The following EDA variants were observed in gnomAD, a reference collection of about 807,000 sequenced individuals.
EDA encodes the protein ectodysplasin-A.
In EDA, 2 loss-of-function variants were observed where a neutral mutation model predicts 23.6. The observed-to-expected ratio is 0.08, with a 90% CI of 0.03 to 0.27. EDA has a LOEUF of 0.27. Ranked by LOEUF, EDA falls within the 10% of genes least tolerant of loss-of-function variation. The pLI is 1.00. For missense variants in EDA, 229 were observed against 324.2 expected (o/e 0.71, Z 2.26); for synonymous variants, 131 against 132.0 (o/e 0.99, Z 0.05).
At chrX:69,956,697 T>A (rs1406474847) in intron 1 of EDA, among the ~76,000 whole-genome samples, 3 of 111,828 alleles carry the variant, frequency 2.7e-5, no homozygotes, top group Non-Finnish European at 5.6e-5. Context: ...TGAGTGAGCA[T>A]CCTCAGTATG....
rs199852492 is a variant in EDA, at chrX:70,029,556, C to G, written c.741+18C>G. Reference sequence around the variant, plus strand: ...AAAACCAGGTTGGCTGGGGATTGCTCTCTTCCTGGGTAGGAGGGAAAGCCA... The same window carrying G: ...AAAACCAGGTTGGCTGGGGATTGCTGTCTTCCTGGGTAGGAGGGAAAGCCA... On this transcript the variant is annotated intron_variant, in intron 5 of 7. Coordinates refer to ENST00000374552, the MANE Select transcript of EDA (RefSeq NM_001399.5). 200 of 1,208,428 alleles carry G rather than the reference C, an allele frequency of 1.7e-4. No homozygotes were observed. Among genetic ancestry groups the G allele is most frequent in the Non-Finnish European group, 2.0e-4 (181 of 893,179 alleles).
chrX:69,772,348 A>G (rs779209059), intron 1 of EDA, among the ~76,000 whole-genome samples: 3 of 111,807 alleles, frequency 2.7e-5, no homozygotes, highest in East Asian at 2.8e-4. Context: ...ATGATTTTCT[A>G]ATGTTGAACC....
Position 69,869,286 on chromosome X carries a change from G to A in EDA, c.397-87741G>A, listed in dbSNP as rs979253635. On this transcript the variant is annotated intron_variant, in intron 1 of 7. Transcript: ENST00000374552. ...GTCTGACCTGAGCTAAAACTCCATT[G>A]ATTACCTGACCTCCATAAGCCCCTA... Among the ~76,000 whole-genome samples, 6 of 110,890 alleles carry A rather than the reference G, an allele frequency of 5.4e-5. No homozygotes were observed. The South Asian group carries it at 1.2e-3, about 22-fold the overall frequency.
intron 1 of EDA, among the ~76,000 whole-genome samples, chrX:69,771,114 C>T (rs1263519922): frequency 1.8e-5 from 2 of 110,436 alleles, no homozygotes; most frequent in African/African-American, 3.3e-5. Context: ...TGGAGTGCAG[C>T]AGCACGATCT....
At chrX:69,790,677 C>T (rs774862689) in intron 1 of EDA, among the ~76,000 whole-genome samples, 1 of 111,646 alleles carries the variant, frequency 9.0e-6, no homozygotes, top group Non-Finnish European at 1.9e-5. Flanking sequence ...TAGTATGTTT[C>T]ACATGAAACA....
At chrX:69,764,035 G>C (rs1255211637) in intron 1 of EDA, among the ~76,000 whole-genome samples, 2 of 109,368 alleles carry the variant, frequency 1.8e-5, no homozygotes, top group East Asian at 5.8e-4. Flanking sequence ...TAGCCAGGAA[G>C]GGTGAGGTGG....
intron 1 of EDA, among the ~76,000 whole-genome samples, chrX:69,668,286 G>C (rs143308324): frequency 7.8e-4 from 87 of 111,426 alleles, no homozygotes; most frequent in African/African-American, 2.7e-3. Context: ...TACTGTTATT[G>C]ATTTCTAGTT....
intron 2 of EDA, among the ~76,000 whole-genome samples, chrX:69,967,769 T>C (rs1326275864): frequency 8.9e-6 from 1 of 112,195 alleles, no homozygotes; most frequent in Non-Finnish European, 1.9e-5. Context: ...TTGGCCTCAT[T>C]CTTCATGTAG....
At chrX:69,946,483 G>A (rs941987945) in intron 1 of EDA, among the ~76,000 whole-genome samples, 1 of 111,757 alleles carries the variant, frequency 8.9e-6, no homozygotes, top group African/African-American at 3.2e-5. Flanking sequence ...AGTTATAACA[G>A]TTGAACTCTA....
chrX:69,792,658 C>A (rs1325232955), intron 1 of EDA, among the ~76,000 whole-genome samples: 1 of 112,175 alleles, frequency 8.9e-6, no homozygotes, highest in Non-Finnish European at 1.9e-5. Context: ...TTAATTACAG[C>A]CATTTTTGCA....
At chrX:69,968,110 G>C (rs1203737732) in intron 2 of EDA, among the ~76,000 whole-genome samples, 2 of 111,440 alleles carry the variant, frequency 1.8e-5, no homozygotes, top group Non-Finnish European at 3.8e-5. Context: ...TTAAGCTCTG[G>C]AAGCCCACAG....
At chrX:69,731,754 G>A (rs1244096849) in intron 1 of EDA, among the ~76,000 whole-genome samples, 1 of 111,704 alleles carries the variant, frequency 9.0e-6, no homozygotes, top group African/African-American at 3.3e-5. Flanking sequence ...TCTAACATAA[G>A]CATTTAATAC....
intron 1 of EDA, among the ~76,000 whole-genome samples, chrX:69,665,015 G>A (rs1933636430): frequency 8.9e-6 from 1 of 111,906 alleles, no homozygotes; most frequent in Non-Finnish European, 1.9e-5. Flanking sequence ...TAGTGGGTGT[G>A]AAGTGGTATC....
chrX:69,950,026 A>G (rs1230009122), intron 1 of EDA, among the ~76,000 whole-genome samples: 7 of 93,845 alleles, frequency 7.5e-5, no homozygotes, highest in African/African-American at 2.4e-4. Context: ...GGACATAGGC[A>G]TGGGCAAGGA....
intron 1 of EDA, among the ~76,000 whole-genome samples, chrX:69,918,354 G>A (rs1008915652): frequency 7.3e-5 from 8 of 109,661 alleles, no homozygotes; most frequent in African/African-American, 1.3e-4. Flanking sequence ...ATGGGGTTTC[G>A]CCATATTGGC....
intron 1 of EDA, among the ~76,000 whole-genome samples, chrX:69,930,684 A>T (rs981053760): frequency 1.8e-5 from 2 of 111,183 alleles, no homozygotes; most frequent in Non-Finnish European, 3.8e-5. Flanking sequence ...CCAGTGAAAT[A>T]AGGAAGCAAT....
chrX:69,987,275 A>T (rs1346350384), intron 2 of EDA, among the ~76,000 whole-genome samples: 1 of 78,941 alleles, frequency 1.3e-5, no homozygotes, highest in East Asian at 3.4e-4. Flanking sequence ...AAAGTATAAT[A>T]AAAAAAAAAA....
At chrX:69,935,280 G>A (rs774372176) in intron 1 of EDA, among the ~76,000 whole-genome samples, 3 of 111,487 alleles carry the variant, frequency 2.7e-5, no homozygotes, top group African/African-American at 3.2e-5. Context: ...TTGATATACC[G>A]ATGTCCTTTC....
intron 1 of EDA, among the ~76,000 whole-genome samples, chrX:69,788,788 G>C (rs1387255421): frequency 1.8e-5 from 2 of 113,345 alleles, no homozygotes; most frequent in African/African-American, 6.4e-5. Context: ...TACAGAGGCA[G>C]GCAGGCCTCC....
Sources: allele counts gnomAD v4.1 joint callset (sites outside exome capture counted in the v4.1 genomes callset), GRCh38; gene constraint gnomAD v4.1.1; transcripts MANE v1.5; gene names NCBI Gene and HGNC (gene_info 2026-07-23, HGNC 2026-07-21).